The following SLC5A12 variants were observed in gnomAD, a reference collection of about 807,000 sequenced individuals.
The protein encoded by SLC5A12 is solute carrier family 5 member 12.
Under a neutral mutation model 72.7 loss-of-function variants are expected in SLC5A12, and 46 were observed. The ratio of observed to expected loss-of-function variants is 0.63; its 90% CI spans 0.50 to 0.81. The LOEUF (loss-of-function observed/expected upper bound fraction) is 0.81. SLC5A12 is among the 30% of genes least tolerant of loss of function. SLC5A12 has a pLI of 0.00. For missense variants in SLC5A12, 683 were observed against 740.7 expected (o/e 0.92, Z 0.90); for synonymous variants, 275 against 264.4 (o/e 1.04, Z -0.39).
chr11:26,703,495 A>G (rs1855011281), intron 6 of SLC5A12, 36 bp downstream of exon 6: 2 of 1,606,222 alleles, frequency 1.2e-6, no homozygotes, highest in African/African-American at 2.7e-5. Context: ...ATAAGGTAAG[A>G]TAAAACATTA....
At chr11:26,708,651 A>T (rs1476944702) in intron 4 of SLC5A12, among the ~76,000 whole-genome samples, 1 of 152,240 alleles carries the variant, frequency 6.6e-6, no homozygotes, top group East Asian at 1.9e-4. Flanking sequence ...TACATGGTAC[A>T]ATGACTCAGA....
intron 14 of SLC5A12, among the ~76,000 whole-genome samples, chr11:26,671,982 C>T (rs989384342): frequency 6.6e-6 from 1 of 152,132 alleles, no homozygotes; most frequent in African/African-American, 2.4e-5. Context: ...AAACTCCTTG[C>T]TTATCAAGCC....
intron 9 of SLC5A12, among the ~76,000 whole-genome samples, chr11:26,690,928 T>C (rs1247477471): frequency 2.0e-5 from 3 of 151,830 alleles, no homozygotes; most frequent in Non-Finnish European, 4.4e-5. Context: ...GTAAGAAATG[T>C]ATAAGCATAA....
chr11:26,700,640 G>A (rs936809893), intron 6 of SLC5A12, among the ~76,000 whole-genome samples: 2 of 152,140 alleles, frequency 1.3e-5, no homozygotes, highest in African/African-American at 4.8e-5. Flanking sequence ...GAGATGGGAC[G>A]TGATACCCTG....
chr11:26,701,310 A>G (rs901360268), intron 6 of SLC5A12, among the ~76,000 whole-genome samples: 2 of 152,142 alleles, frequency 1.3e-5, no homozygotes, highest in African/African-American at 4.8e-5. Flanking sequence ...TTCATCTTTC[A>G]TTATTCTCAC....
chr11:26,718,867 C>G (rs368281392), intron 1 of SLC5A12, among the ~76,000 whole-genome samples: 1 of 152,208 alleles, frequency 6.6e-6, no homozygotes, highest in Non-Finnish European at 1.5e-5. Flanking sequence ...AACCTTATAT[C>G]TACTTTACAC....
intron 4 of SLC5A12, among the ~76,000 whole-genome samples, chr11:26,704,624 GAGAGACCAT>G (rs1565198501): frequency 6.6e-6 from 1 of 152,170 alleles, no homozygotes; most frequent in African/African-American, 2.4e-5. Flanking sequence ...AAAAGGAGTT[GAGAGACCAT>G]CTCATTTTAT....
chr11:26,688,162 C>T (rs1854582395), intron 9 of SLC5A12, among the ~76,000 whole-genome samples: 1 of 152,162 alleles, frequency 6.6e-6, no homozygotes, highest in African/African-American at 2.4e-5. Flanking sequence ...GCATGCTAGG[C>T]AGGAAGTTTA....
chr11:26,675,358 A>G (rs976593591), intron 13 of SLC5A12, among the ~76,000 whole-genome samples: 1 of 152,212 alleles, frequency 6.6e-6, no homozygotes, highest in Non-Finnish European at 1.5e-5. Context: ...TCTCACAGGT[A>G]GGAAAGTTAA....
intron 4 of SLC5A12, among the ~76,000 whole-genome samples, chr11:26,705,925 T>C (rs1056282663): frequency 6.9e-5 from 9 of 129,624 alleles, no homozygotes; most frequent in African/African-American, 2.2e-4. Flanking sequence ...TTCTCTGTCA[T>C]ACACACACAC....
At chr11:26,687,002 A>T (rs1226643073) in intron 9 of SLC5A12, among the ~76,000 whole-genome samples, 1 of 152,222 alleles carries the variant, frequency 6.6e-6, no homozygotes, top group African/African-American at 2.4e-5. Context: ...TCTACCTAAC[A>T]GGTTTCGCAA....
intron 9 of SLC5A12, chr11:26,691,591 T>C (rs75117617): frequency 3.9e-5 from 6 of 152,104 alleles, no homozygotes; most frequent in Non-Finnish European, 8.8e-5. Flanking sequence ...TTTAAAAAAA[T>C]ACATAATAAC....
chr11:26,702,804 C>T (rs1178218699), intron 6 of SLC5A12, among the ~76,000 whole-genome samples: 2 of 152,186 alleles, frequency 1.3e-5, no homozygotes, highest in Non-Finnish European at 1.5e-5. Flanking sequence ...TGAGCTTAAC[C>T]TTTGCAAATA....
Position 26,678,748 on chromosome 11 carries a change from A to T in SLC5A12, c.1543T>A (p.Cys515Ser). The T allele has an allele frequency of 6.2e-7, 1 of 1,613,360 alleles. No homozygotes were observed. The highest frequency in any genetic ancestry group is 8.5e-7 in the Non-Finnish European group (1 of 1,179,590). ...CTGATGATTACTCCAGCAACAATGCATCCTAAGCAGCCCACTGCACTGTAG... is the reference window on the plus strand; with the variant it reads ...CTGATGATTACTCCAGCAACAATGCTTCCTAAGCAGCCCACTGCACTGTAG... ...LYYSAVGCLG[C>S]IVAGVIISLI... Residue 515 changes from cysteine (C) to serine (S), a missense_variant, in exon 13 of 15, where the codon TGC becomes AGC. Coordinates refer to ENST00000396005, the MANE Select transcript of SLC5A12 (RefSeq NM_178498.4).
intron 3 of SLC5A12, among the ~76,000 whole-genome samples, chr11:26,709,759 G>A (rs955833141): frequency 2.0e-5 from 3 of 152,038 alleles, no homozygotes; most frequent in Non-Finnish European, 4.4e-5. Context: ...GGCCTTAGAG[G>A]TTCCACTAGG....
Position 26,712,644 on chromosome 11 carries a change from C to A in SLC5A12, c.402G>T (p.Gln134His). ...TGCAGCAGCCATGACCACTTACCGT[C>A]TGTACAATGTAGATGACCGTGGCAG... ...RYAATVIYIV[Q>H]TILYTGVVVY... is the part of the protein sequence containing the mutation. The change falls in exon 2 of 15, where the codon CAG becomes CAT. Residue 134 changes from glutamine (Q) to histidine (H), a missense_variant. Physicochemically the swap from Gln to His is conservative, Grantham distance 24. Coordinates refer to ENST00000396005, the MANE Select transcript of SLC5A12 (RefSeq NM_178498.4). The A allele has an allele frequency of 6.5e-7, 1 of 1,549,966 alleles. No homozygotes were observed. Among genetic ancestry groups the A allele is most frequent in the South Asian group, 1.2e-5 (1 of 81,738 alleles).
intron 4 of SLC5A12, among the ~76,000 whole-genome samples, chr11:26,705,877 CCTGT>C (rs1490998397): frequency 5.3e-5 from 8 of 150,696 alleles, no homozygotes; most frequent in Non-Finnish European, 1.2e-4. Context: ...ACCATGAAGA[CCTGT>C]CTGACTCCTT....
chr11:26,684,270 C>T (rs1854477064), intron 10 of SLC5A12, among the ~76,000 whole-genome samples: 1 of 152,068 alleles, frequency 6.6e-6, no homozygotes, highest in African/African-American at 2.4e-5. Context: ...GTCAATGCCT[C>T]AGATATATTC....
intron 10 of SLC5A12, among the ~76,000 whole-genome samples, chr11:26,684,952 A>G (rs1854494997): frequency 6.6e-6 from 1 of 152,118 alleles, no homozygotes; most frequent in Non-Finnish European, 1.5e-5. Flanking sequence ...AAACCTCACC[A>G]CCTTGCCACT....
Sources: gnomAD v4.1 joint callset for allele counts (sites outside exome capture counted in the v4.1 genomes callset) on GRCh38, gnomAD v4.1.1 for gene constraint, MANE v1.5 for transcripts, NCBI Gene and HGNC (gene_info 2026-07-23, HGNC 2026-07-21) for gene names.